The following DAB1 variants were observed in gnomAD, a reference collection of about 807,000 sequenced individuals.
DAB1 encodes the protein disabled homolog 1.
DAB1 carries 15 observed loss-of-function variants against 64.6 expected under a neutral mutation model. The observed-to-expected ratio is 0.23, with a 90% CI of 0.16 to 0.36. The LOEUF is 0.36. Ranked by LOEUF, DAB1 falls within the 10% of genes least tolerant of loss-of-function variation. DAB1 has a pLI of 1.00. For synonymous variants in DAB1, 235 were observed against 251.9 expected, an observed-to-expected ratio of 0.93 and a Z score of 0.64; for missense variants, 596 against 706.7, an observed-to-expected ratio of 0.84 and a Z score of 1.78.
chr1:57,055,684 T>G (rs987179774), intron 9 of DAB1, among the ~76,000 whole-genome samples: 1 of 152,184 alleles, frequency 6.6e-6, no homozygotes, highest in African/African-American at 2.4e-5. Flanking sequence ...TTATCTCTGT[T>G]GATGGAAGAG....
intron 5 of DAB1, among the ~76,000 whole-genome samples, chr1:57,985,152 C>G (rs913318707): frequency 6.6e-6 from 1 of 152,180 alleles, no homozygotes; most frequent in African/African-American, 2.4e-5. Context: ...AAGTAATCCA[C>G]CCGCCTTGGC....
At chr1:57,982,939 A>G (rs1322446375) in intron 5 of DAB1, among the ~76,000 whole-genome samples, 1 of 152,202 alleles carries the variant, frequency 6.6e-6, no homozygotes. Context: ...TTGCGGTTCT[A>G]CTTTGCCAAA....
chr1:57,245,970 A>G (rs1463488955), intron 2 of DAB1, among the ~76,000 whole-genome samples: 1 of 152,244 alleles, frequency 6.6e-6, no homozygotes, highest in African/African-American at 2.4e-5. Context: ...ATGCATATGC[A>G]TGAAGAAAGA....
chr1:57,544,049 G>T (rs1050460932), intron 7 of DAB1, among the ~76,000 whole-genome samples: 1 of 152,080 alleles, frequency 6.6e-6, no homozygotes, highest in African/African-American at 2.4e-5. Context: ...AGAGTCTGGG[G>T]CTACAGTGAG....
intron 2 of DAB1, among the ~76,000 whole-genome samples, chr1:57,258,538 A>G (rs1669939691): frequency 6.6e-6 from 1 of 152,094 alleles, no homozygotes; most frequent in African/African-American, 2.4e-5. Context: ...CTTGTAACAC[A>G]TCGAGATCAT....
intron 7 of DAB1, among the ~76,000 whole-genome samples, chr1:57,592,267 A>G (rs987213647): frequency 6.6e-6 from 1 of 152,178 alleles, no homozygotes; most frequent in African/African-American, 2.4e-5. Context: ...CAAAAGAATC[A>G]TGGATTTGAG....
Position 57,981,969 on chromosome 1 carries a change from G to A in DAB1, n.388-97807C>T, listed in dbSNP as rs573642957. ...ACTCTGAAAGCCCATGCCATCACTAGTTTCTATGTAACAGCTAACTGCATA... is the reference window on the plus strand; with the variant it reads ...ACTCTGAAAGCCCATGCCATCACTAATTTCTATGTAACAGCTAACTGCATA... On this transcript the variant is annotated intron_variant and non_coding_transcript_variant, in intron 5 of 20. Coordinates refer to the DAB1 transcript ENST00000485760. Among the ~76,000 whole-genome samples, 4 of 152,326 alleles carry A rather than the reference G, an allele frequency of 2.6e-5. No homozygotes were observed. In the East Asian group the frequency reaches 7.7e-4, roughly 29 times the overall value.
intron 2 of DAB1, among the ~76,000 whole-genome samples, chr1:57,204,990 T>G (rs1665422975): frequency 6.6e-6 from 1 of 152,208 alleles, no homozygotes; most frequent in Admixed American, 6.5e-5. Context: ...GATGAGCCAC[T>G]CACCTTTGGA....
chr1:57,103,710 A>G (rs1023699016), intron 4 of DAB1, among the ~76,000 whole-genome samples: 2 of 152,136 alleles, frequency 1.3e-5, no homozygotes, highest in African/African-American at 4.8e-5. Context: ...AGAGCAAATG[A>G]AGCCACCAAA....
chr1:57,537,941 TA>T lies in DAB1; in HGVS notation n.625+111650del, dbSNP rs1282520651. ...GAGATCACGTGGTGGGAGAGAAGGCTAGGGGGGCATGCAAGGCTTTTTTTAA... is the reference window on the plus strand; with the variant it reads ...GAGATCACGTGGTGGGAGAGAAGGCTGGGGGGCATGCAAGGCTTTTTTTAA... On this transcript the variant is annotated intron_variant and non_coding_transcript_variant, in intron 7 of 20. Coordinates refer to the DAB1 transcript ENST00000485760. Among the ~76,000 whole-genome samples the T allele has an allele frequency of 1.2e-4, 18 of 152,116 alleles. No individual in the cohort carries two copies. The East Asian group carries it at 3.3e-3, about 28-fold the overall frequency.
At chr1:58,333,213 G>A (rs1446411041) in intron 4 of DAB1, among the ~76,000 whole-genome samples, 1 of 152,168 alleles carries the variant, frequency 6.6e-6, no homozygotes, top group Non-Finnish European at 1.5e-5. Flanking sequence ...ACGTAAGGCA[G>A]GAGCTCCTAT....
intron 1 of DAB1, among the ~76,000 whole-genome samples, chr1:57,835,518 G>C (rs1401452997): frequency 6.6e-6 from 1 of 152,156 alleles, no homozygotes; most frequent in African/African-American, 2.4e-5. Context: ...TCAGGAAACA[G>C]GGGACCAGAG....
intron 7 of DAB1, among the ~76,000 whole-genome samples, chr1:57,560,572 AT>A (rs1430077976): frequency 6.6e-6 from 1 of 152,200 alleles, no homozygotes; most frequent in African/African-American, 2.4e-5. Flanking sequence ...GAGGCAACAC[AT>A]TCCTCATTTG....
chr1:57,583,468 G>A (rs1229162098), intron 7 of DAB1, among the ~76,000 whole-genome samples: 4 of 151,746 alleles, frequency 2.6e-5, no homozygotes, highest in African/African-American at 9.7e-5. Context: ...TGTATTTTTA[G>A]TACAGATGGG....
intron 4 of DAB1, among the ~76,000 whole-genome samples, chr1:58,200,438 T>G (rs763546048): frequency 6.7e-6 from 1 of 148,638 alleles, no homozygotes; most frequent in Non-Finnish European, 1.5e-5. Flanking sequence ...GTTTAGCTAG[T>G]TTTTTGCCTT....
chr1:57,733,151 T>C (rs1214970255), intron 6 of DAB1, among the ~76,000 whole-genome samples: 1 of 152,064 alleles, frequency 6.6e-6, no homozygotes, highest in Non-Finnish European at 1.5e-5. Flanking sequence ...TGAACTCAAA[T>C]GTTACTTTTT....
intron 8 of DAB1, among the ~76,000 whole-genome samples, chr1:57,064,186 T>C (rs1191000182): frequency 6.6e-6 from 1 of 152,214 alleles, no homozygotes; most frequent in Non-Finnish European, 1.5e-5. Flanking sequence ...CTTAGGTCCT[T>C]TGACATTTTT....
intron 2 of DAB1, among the ~76,000 whole-genome samples, chr1:57,279,724 C>T (rs373639283): frequency 2.0e-5 from 3 of 152,210 alleles, no homozygotes; most frequent in South Asian, 2.1e-4. Context: ...TCAATTTATA[C>T]ATAGTCAAAA....
chr1:58,482,044 T>C (rs999658372), intron 3 of DAB1, among the ~76,000 whole-genome samples: 1 of 152,152 alleles, frequency 6.6e-6, no homozygotes, highest in African/African-American at 2.4e-5. Context: ...AAATAAAACA[T>C]TGCAAAGGAA....
Sources: gnomAD v4.1 joint callset for allele counts (sites outside exome capture counted in the v4.1 genomes callset) on GRCh38, gnomAD v4.1.1 for gene constraint, MANE v1.5 for transcripts, NCBI Gene and HGNC (gene_info 2026-07-23, HGNC 2026-07-21) for gene names.